The following AFG1L variants were observed in gnomAD, a reference collection of about 807,000 sequenced individuals.
The protein encoded by AFG1L is AFG1-like ATPase.
Under a neutral mutation model 62.2 loss-of-function variants are expected in AFG1L, and 53 were observed. That is an observed-to-expected ratio of 0.85 (90% CI 0.68 to 1.07). The LOEUF is 1.07. Among genes scored for constraint, AFG1L ranks in the 50% least tolerant of loss-of-function variants. The pLI is 0.00. For missense variants in AFG1L, 555 were observed against 590.5 expected (o/e 0.94, Z 0.62); for synonymous variants, 228 against 210.3 (o/e 1.08, Z -0.73).
intron 2 of AFG1L, among the ~76,000 whole-genome samples, chr6:108,340,312 A>G: frequency 7.4e-6 from 1 of 134,740 alleles, no homozygotes; most frequent in Non-Finnish European, 1.6e-5. Flanking sequence ...TTTGCAGTTT[A>G]TTTGCTGTTT....
At chr6:108,478,497 G>A (rs965600129) in intron 10 of AFG1L, among the ~76,000 whole-genome samples, 5 of 152,222 alleles carry the variant, frequency 3.3e-5, no homozygotes, top group Non-Finnish European at 7.3e-5. Flanking sequence ...AGGATCCTCC[G>A]ACAGGGTGGT....
chr6:108,477,088 A>C (rs1773134892), intron 9 of AFG1L, 104 bp from the exon 10 acceptor site: 1 of 1,005,342 alleles, frequency 9.9e-7, no homozygotes. Context: ...TTATGTGTTG[A>C]ATCATGTGCT....
Position 108,421,651 on chromosome 6 carries a change from CA to C in AFG1L, c.807+19599del, listed in dbSNP as rs148108736. ...TGCACCCCCCCTGTCTGCTTTAGAC[CA>C]AGGACTTTTGGATTCTCTTGAAACA... On this transcript the variant is annotated intron_variant, in intron 7 of 12. Transcript: ENST00000368977. Among the ~76,000 whole-genome samples, 896 of 152,142 alleles carry C rather than the reference CA, an allele frequency of 5.9e-3. 19 individuals carry two copies. The highest frequency in any genetic ancestry group is 0.033 in the East Asian group (169 of 5,180).
chr6:108,503,964 C>G (rs2114883080), intron 10 of AFG1L, among the ~76,000 whole-genome samples: 1 of 152,364 alleles, frequency 6.6e-6, no homozygotes, highest in Non-Finnish European at 1.5e-5. Flanking sequence ...CTGCAGCTTC[C>G]TCACCTCTTT....
chr6:108,383,830 G>T (rs1287764797), intron 6 of AFG1L, among the ~76,000 whole-genome samples: 2 of 151,674 alleles, frequency 1.3e-5, no homozygotes, highest in African/African-American at 4.8e-5. Flanking sequence ...AAAGATCAAA[G>T]AAAAAATATT....
At chr6:108,462,088 C>T (rs1206646733) in intron 8 of AFG1L, among the ~76,000 whole-genome samples, 1 of 148,946 alleles carries the variant, frequency 6.7e-6, no homozygotes, top group African/African-American at 2.5e-5. Flanking sequence ...GAGCAAGACT[C>T]CGTCTCAAAA....
Position 108,340,671 on chromosome 6 carries a change from A to T in AFG1L, c.364-6317A>T, listed in dbSNP as rs111987608. Among the ~76,000 whole-genome samples the T allele has an allele frequency of 2.0e-3, 302 of 152,236 alleles. 1 individual carries two copies. The highest frequency in any genetic ancestry group is 6.8e-3 in the Middle Eastern group (2 of 292). On this transcript the variant is annotated intron_variant, in intron 2 of 12. Coordinates refer to ENST00000368977, the MANE Select transcript of AFG1L (RefSeq NM_145315.5). ...TGAGCTTTATAAGCTGTTGATAAGG[A>T]TTACAAGAGAAGAGGAATTTAATGT...
At position 108,524,474 on chromosome 6, in the gene AFG1L, GT is replaced by G. The variant is rs1483285427; in HGVS notation, c.*2050del. 6.6e-6 allele frequency: 1 copy of G among 152,286 alleles called. No homozygotes were observed. Among genetic ancestry groups the G allele is most frequent in the East Asian group, 1.9e-4 (1 of 5,184 alleles). The allele number at this position is 152,286 out of a possible 1,614,324, so 9.4% of individuals were successfully genotyped here. On this transcript the variant is annotated 3_prime_UTR_variant, in exon 13 of 13. Transcript: ENST00000368977. The stretch of plus-strand genomic sequence containing the variant: ...TTCATTTTTCCATCGAAACAATCAC[GT>G]AATGTTAGTTGGGGTGCTGGTCAAA...
intron 10 of AFG1L, among the ~76,000 whole-genome samples, chr6:108,509,199 G>A (rs1774537625): frequency 6.6e-6 from 1 of 152,142 alleles, no homozygotes; most frequent in Admixed American, 6.5e-5. Context: ...TTAAATTCAT[G>A]TTTCAGAAAC....
chr6:108,334,574 A>G (rs1778408155), intron 2 of AFG1L, among the ~76,000 whole-genome samples: 1 of 89,416 alleles, frequency 1.1e-5, no homozygotes, highest in Non-Finnish European at 2.3e-5. Flanking sequence ...AGACTGTGGA[A>G]GGAGAATTAT....
intron 8 of AFG1L, among the ~76,000 whole-genome samples, chr6:108,470,465 G>A (rs1259209683): frequency 6.6e-6 from 1 of 152,184 alleles, no homozygotes; most frequent in Admixed American, 6.5e-5. Context: ...GGCACTAGGT[G>A]GCTCATTGGC....
At chr6:108,297,728 G>A (rs183796917) in intron 1 of AFG1L, among the ~76,000 whole-genome samples, 178 of 151,756 alleles carry the variant, frequency 1.2e-3, no homozygotes, top group Admixed American at 3.7e-3. Flanking sequence ...GGTGGTGCAC[G>A]CCTGTAGTCC....
At chr6:108,319,396 C>G (rs1183366733) in intron 1 of AFG1L, among the ~76,000 whole-genome samples, 1 of 151,910 alleles carries the variant, frequency 6.6e-6, no homozygotes, top group South Asian at 2.1e-4. Context: ...AGTAGTAATC[C>G]CTATAGGACT....
rs557992776 is a variant in AFG1L at position 108,495,946 on chromosome 6, A to G, written c.1063-14266A>G. Among the ~76,000 whole-genome samples the G allele has an allele frequency of 3.7e-4, 57 of 152,336 alleles. 1 individual carries two copies. Among genetic ancestry groups the G allele is most frequent in the South Asian group, 2.3e-3 (11 of 4,828 alleles). ...AAGATGGAGAATGTCATCATTATCT[A>G]TCATAAGAAGAATCAGCCTTAGATA... On this transcript the variant is annotated intron_variant, in intron 10 of 12. Coordinates refer to ENST00000368977, the MANE Select transcript of AFG1L (RefSeq NM_145315.5).
intron 10 of AFG1L, among the ~76,000 whole-genome samples, chr6:108,508,800 A>G (rs1233016156): frequency 6.6e-6 from 1 of 152,164 alleles, no homozygotes; most frequent in African/African-American, 2.4e-5. Flanking sequence ...ACGGTTTCCT[A>G]ATTCTCCCAG....
intron 10 of AFG1L, among the ~76,000 whole-genome samples, chr6:108,494,971 C>T (rs1419646954): frequency 2.0e-5 from 3 of 151,856 alleles, no homozygotes; most frequent in African/African-American, 7.3e-5. Flanking sequence ...GATGGGGTTT[C>T]ACCATGTTGG....
At chr6:108,510,779 A>G (rs1446234723) in intron 11 of AFG1L, among the ~76,000 whole-genome samples, 2 of 152,210 alleles carry the variant, frequency 1.3e-5, no homozygotes, top group South Asian at 2.1e-4. Context: ...GATTGCACTG[A>G]TAGAATAATG....
chr6:108,513,289 C>G (rs113911806), intron 11 of AFG1L, among the ~76,000 whole-genome samples: 1 of 152,118 alleles, frequency 6.6e-6, no homozygotes, highest in Non-Finnish European at 1.5e-5. Flanking sequence ...TGCAGCGCAC[C>G]GAGCATGAGC....
At chr6:108,446,097 CA>C (rs1562166680) in intron 7 of AFG1L, among the ~76,000 whole-genome samples, 19 of 114,928 alleles carry the variant, frequency 1.7e-4, no homozygotes, top group South Asian at 1.3e-3. Flanking sequence ...CACACACACA[CA>C]CACACCCCTA....
Sources: gnomAD v4.1 joint callset for allele counts (sites outside exome capture counted in the v4.1 genomes callset) on GRCh38, gnomAD v4.1.1 for gene constraint, MANE v1.5 for transcripts, NCBI Gene and HGNC (gene_info 2026-07-23, HGNC 2026-07-21) for gene names.